UBE2E2: variants seen among roughly 807,000 people sequenced by gnomAD.
The protein encoded by UBE2E2 is ubiquitin conjugating enzyme E2 E2.
A neutral mutation model predicts 24.7 loss-of-function variants in UBE2E2; 6 were observed. That is an observed-to-expected ratio of 0.24 (90% CI 0.13 to 0.48). The LOEUF (loss-of-function observed/expected upper bound fraction) is 0.48. Among genes scored for constraint, UBE2E2 ranks in the 20% least tolerant of loss-of-function variants. UBE2E2 has a pLI of 0.99. For missense variants in UBE2E2, 169 were observed against 245.0 expected, an observed-to-expected ratio of 0.69 and a Z score of 2.07; for synonymous variants, 104 against 83.6, an observed-to-expected ratio of 1.24 and a Z score of -1.33.
rs1697372578 is a variant in UBE2E2, at chr3:23,407,072, T to A, written c.228-92536T>A. Reference sequence around the variant, plus strand: ...ATTCCCTTCCCCAGTTCCCCAAGTATTTTGGAGACAAATTTTTCTTCAGCT... The same window carrying A: ...ATTCCCTTCCCCAGTTCCCCAAGTAATTTGGAGACAAATTTTTCTTCAGCT... On this transcript the variant is annotated intron_variant, in intron 3 of 5. Transcript: ENST00000396703. This position sits in a 1 kb window ranked among gnomAD's most constrained non-coding sequence, Gnocchi z 4.0. Among the ~76,000 whole-genome samples the A allele has an allele frequency of 6.6e-6, 1 of 152,176 alleles. No individual in the cohort carries two copies. Among genetic ancestry groups the A allele is most frequent in the South Asian group, 2.1e-4 (1 of 4,826 alleles).
At chr3:23,572,731 C>T (rs1404647685) in intron 5 of UBE2E2, among the ~76,000 whole-genome samples, 2 of 152,216 alleles carry the variant, frequency 1.3e-5, no homozygotes, top group Admixed American at 6.5e-5. Flanking sequence ...CTTTTGATTG[C>T]TGCATGCTAT....
At position 23,478,448 on chromosome 3, in the gene UBE2E2, T is replaced by C. The variant is rs1575656194; in HGVS notation, c.228-21160T>C. On this transcript the variant is annotated intron_variant, in intron 3 of 5. Transcript: ENST00000396703. ...GAGTGATAGAAGAGGATAGTGATAT[T>C]CAAAAGAAATAAGACTAAGTACAAA... Among the ~76,000 whole-genome samples, 3 of 152,290 alleles carry C rather than the reference T, an allele frequency of 2.0e-5. No individual in the cohort carries two copies. The East Asian group carries it at 5.8e-4, about 29-fold the overall frequency.
intron 3 of UBE2E2, among the ~76,000 whole-genome samples, chr3:23,276,625 T>A (rs1368914417): frequency 6.6e-6 from 1 of 152,164 alleles, no homozygotes; most frequent in African/African-American, 2.4e-5. Context: ...TCCTTTGTAC[T>A]TAGAATTAAG....
chr3:23,224,216 A>G (rs777355401), intron 3 of UBE2E2, among the ~76,000 whole-genome samples: 30 of 136,026 alleles, frequency 2.2e-4, no homozygotes, highest in Non-Finnish European at 9.3e-5. Context: ...GTATTTTGAT[A>G]AGGATTGTAT....
intron 5 of UBE2E2, among the ~76,000 whole-genome samples, chr3:23,536,886 G>C (rs774438743): frequency 6.6e-6 from 1 of 152,178 alleles, no homozygotes. Flanking sequence ...CATACTAACA[G>C]TGTGACATAA....
At chr3:23,413,397 T>A (rs1697542841) in intron 3 of UBE2E2, among the ~76,000 whole-genome samples, 2 of 152,146 alleles carry the variant, frequency 1.3e-5, no homozygotes, top group Non-Finnish European at 2.9e-5. Context: ...GGGGAGAGAT[T>A]GAAAGTATTA....
intron 3 of UBE2E2, among the ~76,000 whole-genome samples, chr3:23,450,140 T>C (rs1698530073): frequency 6.6e-6 from 1 of 152,240 alleles, no homozygotes; most frequent in Admixed American, 6.5e-5. Context: ...CCCTTGCTTC[T>C]TTTTTGCAAG....
In UBE2E2 at chr3:23,361,345, A is replaced by G. The variant is rs1447564302; in HGVS notation, c.228-138263A>G. Among the ~76,000 whole-genome samples the G allele has an allele frequency of 6.6e-5, 10 of 152,126 alleles. No individual in the cohort carries two copies. The South Asian group carries it at 1.9e-3, about 28-fold the overall frequency. ...TTACTGGGTATCTACCCAAAGGAAA[A>G]TAAGTCATTATGTGAAAAAGACAAC... On this transcript the variant is annotated intron_variant, in intron 3 of 5. Transcript: ENST00000396703.
chr3:23,377,683 TA>T lies in UBE2E2; in HGVS notation c.228-121923del, dbSNP rs1696554814. 2.0e-5 allele frequency among the ~76,000 whole-genome samples: 3 copies of T among 152,348 alleles called. No homozygotes were observed. The South Asian group carries it at 6.2e-4, about 32-fold the overall frequency. Reference sequence around the variant, plus strand: ...GTTGTAAGAATTTCCCTGTTCTCCTTAAGGGCTGGGTGACTTTCAGCAAGTT... The same window carrying T: ...GTTGTAAGAATTTCCCTGTTCTCCTTAGGGCTGGGTGACTTTCAGCAAGTT... On this transcript the variant is annotated intron_variant, in intron 3 of 5. Transcript: ENST00000396703.
rs1442145436 is a variant in UBE2E2, at chr3:23,460,719, A to G, written c.228-38889A>G. Among the ~76,000 whole-genome samples the G allele has an allele frequency of 2.0e-5, 3 of 152,196 alleles. No individual in the cohort carries two copies. In the East Asian group the frequency reaches 5.8e-4, roughly 29 times the overall value. ...AGGTGGTTTTTGAGCTTGGCCTTAA[A>G]GGATGAAGATTTGGGCATGCCAAGG... On this transcript the variant is annotated intron_variant, in intron 3 of 5. Transcript: ENST00000396703.
intron 3 of UBE2E2, among the ~76,000 whole-genome samples, chr3:23,239,891 C>G (rs1697213072): frequency 6.6e-6 from 1 of 152,162 alleles, no homozygotes; most frequent in Admixed American, 6.5e-5. Flanking sequence ...AGTAGGAAAG[C>G]AGATCAGTCA....
At chr3:23,359,897 G>A (rs1696064703) in intron 3 of UBE2E2, among the ~76,000 whole-genome samples, 1 of 152,102 alleles carries the variant, frequency 6.6e-6, no homozygotes, top group African/African-American at 2.4e-5. Flanking sequence ...AACTCTGACT[G>A]TAGGATCACA....
At chr3:23,271,451 G>A (rs916930676) in intron 3 of UBE2E2, among the ~76,000 whole-genome samples, 20 of 152,176 alleles carry the variant, frequency 1.3e-4, no homozygotes, top group African/African-American at 4.1e-4. Flanking sequence ...CTTCCACAGC[G>A]TGGTAAGGGG....
At chr3:23,509,164 A>G (rs11715841) in intron 4 of UBE2E2, among the ~76,000 whole-genome samples, 85,692 of 152,080 alleles carry the variant, frequency 0.56, 25,413 homozygotes, top group African/African-American at 0.75. Context: ...GGACAATAAA[A>G]TGATACTGGA....
At chr3:23,418,791 T>G (rs961288369) in intron 3 of UBE2E2, among the ~76,000 whole-genome samples, 1 of 152,216 alleles carries the variant, frequency 6.6e-6, no homozygotes, top group African/African-American at 2.4e-5. Context: ...ATGTGATGAT[T>G]ACAGCAGTAA....
chr3:23,272,572 TGTA>T (rs940362221), intron 3 of UBE2E2, among the ~76,000 whole-genome samples: 2 of 152,168 alleles, frequency 1.3e-5, no homozygotes, highest in Non-Finnish European at 2.9e-5. Context: ...ATGAGTGTGT[TGTA>T]GTGTATGTGT....
intron 3 of UBE2E2, among the ~76,000 whole-genome samples, chr3:23,258,412 A>G (rs1697796621): frequency 6.6e-6 from 1 of 152,220 alleles, no homozygotes; most frequent in South Asian, 2.1e-4. Flanking sequence ...GTTCGTATCA[A>G]CGGACTTTAG....
intron 3 of UBE2E2, among the ~76,000 whole-genome samples, chr3:23,456,171 C>T (rs1381573796): frequency 1.3e-5 from 2 of 152,156 alleles, no homozygotes; most frequent in African/African-American, 4.8e-5. Context: ...AAGATTGCAG[C>T]AAATCAATAT....
intron 3 of UBE2E2, among the ~76,000 whole-genome samples, chr3:23,425,245 T>C (rs1245026196): frequency 6.6e-6 from 1 of 152,154 alleles, no homozygotes; most frequent in Non-Finnish European, 1.5e-5. Context: ...AGATAAGAAG[T>C]AGGGTAGGAA....
Sources: allele counts gnomAD v4.1 joint callset (sites outside exome capture counted in the v4.1 genomes callset), GRCh38; gene constraint gnomAD v4.1.1; non-coding constraint Gnocchi (gnomAD v3.1); transcripts MANE v1.5; gene names NCBI Gene and HGNC (gene_info 2026-07-23, HGNC 2026-07-21).